Variants in DCDC1 observed in about 807,000 individuals in gnomAD.
DCDC1 encodes the protein doublecortin domain containing 1, also known as doublecortin domain-containing protein 1.
Under a neutral mutation model 178.3 loss-of-function variants are expected in DCDC1, and 200 were observed. That is an observed-to-expected ratio of 1.12 (90% CI 1.00 to 1.26). The LOEUF is 1.26. Among genes scored for constraint, DCDC1 ranks in the 50% most tolerant of loss-of-function variants. DCDC1 has a pLI of 0.00. For synonymous variants in DCDC1, 690 were observed against 604.8 expected (o/e 1.14, Z -2.07); for missense variants, 1,983 against 1,749.2 (o/e 1.13, Z -2.38).
intron 22 of DCDC1, 37 bp downstream of exon 22, chr11:30,931,734 A>G (rs748640896): frequency 1.3e-6 from 2 of 1,564,724 alleles, no homozygotes; most frequent in South Asian, 1.2e-5. Flanking sequence ...TACAAACTAG[A>G]AAGTGTATTT....
At chr11:31,064,405 A>G in intron 20 of DCDC1, 64 bp downstream of exon 20, 1 of 673,260 alleles carries the variant, frequency 1.5e-6, no homozygotes, top group East Asian at 2.5e-5. Context: ...TCAATCTTAC[A>G]TGAAACTGAA....
At chr11:31,221,984 G>A (rs534841696) in intron 9 of DCDC1, among the ~76,000 whole-genome samples, 13 of 152,196 alleles carry the variant, frequency 8.5e-5, no homozygotes, top group South Asian at 8.3e-4. Context: ...TACCTTCTGC[G>A]AAACACTAGA....
At chr11:31,062,922 A>G (rs1019007067) in intron 20 of DCDC1, among the ~76,000 whole-genome samples, 3 of 147,482 alleles carry the variant, frequency 2.0e-5, no homozygotes, top group African/African-American at 7.4e-5. Flanking sequence ...CATTAGGTAT[A>G]TCTCCTAATG....
At chr11:31,071,497 G>T (rs1397839119) in intron 18 of DCDC1, among the ~76,000 whole-genome samples, 1 of 152,042 alleles carries the variant, frequency 6.6e-6, no homozygotes, top group African/African-American at 2.4e-5. Context: ...CTCTTTGATG[G>T]TCCCCAAAGT....
intron 9 of DCDC1, among the ~76,000 whole-genome samples, chr11:31,139,476 C>T (rs780700577): frequency 2.0e-5 from 3 of 152,176 alleles, no homozygotes; most frequent in Non-Finnish European, 4.4e-5. Context: ...ATCAGGGGAG[C>T]TCTCATCTCG....
intron 38 of DCDC1, 91 bp from the exon 39 acceptor site, chr11:30,865,423 A>G (rs1413508246): frequency 6.5e-6 from 1 of 153,166 alleles, no homozygotes; most frequent in Non-Finnish European, 1.5e-5. Context: ...CACATAGTAT[A>G]TATGAAGTTC....
intron 20 of DCDC1, among the ~76,000 whole-genome samples, chr11:30,954,313 C>A (rs1293684770): frequency 1.3e-5 from 2 of 152,002 alleles, no homozygotes; most frequent in African/African-American, 4.8e-5. Context: ...CCACGCCCAG[C>A]CTAAATACAA....
At chr11:31,185,546 T>C (rs1478432621) in intron 9 of DCDC1, among the ~76,000 whole-genome samples, 3 of 152,192 alleles carry the variant, frequency 2.0e-5, no homozygotes, top group Admixed American at 6.5e-5. Flanking sequence ...CCACCAACTT[T>C]AGCTTCCAAA....
intron 9 of DCDC1, among the ~76,000 whole-genome samples, chr11:31,229,111 A>C (rs1219361532): frequency 1.3e-5 from 2 of 152,154 alleles, no homozygotes; most frequent in Admixed American, 6.6e-5. Flanking sequence ...TTAATTCATA[A>C]TTTAAAACCT....
chr11:30,932,675 G>T (rs187370095), intron 21 of DCDC1, among the ~76,000 whole-genome samples: 117 of 152,268 alleles, frequency 7.7e-4, no homozygotes, highest in African/African-American at 2.7e-3. Flanking sequence ...ACAGGTTACA[G>T]GTGTGATGGG....
At chr11:31,196,194 C>T (rs781253884) in intron 9 of DCDC1, among the ~76,000 whole-genome samples, 12 of 151,996 alleles carry the variant, frequency 7.9e-5, no homozygotes, top group Admixed American at 2.0e-4. Context: ...GCTACAACAA[C>T]TGATAATGAG....
chr11:30,933,269 C>T (rs1947057716), intron 21 of DCDC1, among the ~76,000 whole-genome samples: 1 of 151,736 alleles, frequency 6.6e-6, no homozygotes, highest in Non-Finnish European at 1.5e-5. Flanking sequence ...AATTCATATA[C>T]ATTTAAGAAT....
chr11:30,892,233 C>T (rs894027895), intron 36 of DCDC1, among the ~76,000 whole-genome samples: 1 of 152,116 alleles, frequency 6.6e-6, no homozygotes, highest in Non-Finnish European at 1.5e-5. Context: ...AACTGTTAAT[C>T]CTCTTTCCTT....
chr11:31,002,782 T>G (rs1177885201), intron 20 of DCDC1, among the ~76,000 whole-genome samples: 1 of 152,186 alleles, frequency 6.6e-6, no homozygotes, highest in Non-Finnish European at 1.5e-5. Flanking sequence ...GGAGCATATT[T>G]GTGACCAAAC....
Position 31,016,354 on chromosome 11 carries a change from G to T in DCDC1, c.2591+48115C>A, listed in dbSNP as rs1392752868. Among the ~76,000 whole-genome samples, 7 of 152,252 alleles carry T rather than the reference G, an allele frequency of 4.6e-5. No individual in the cohort carries two copies. The South Asian group carries it at 1.5e-3, about 32-fold the overall frequency. ...AATTCTCAGACCTTAAGGCTGCCAT[G>T]AAATGTTTGTGCTAAAATATCCTGT... is the stretch of plus-strand genomic sequence containing the variant. On this transcript the variant is annotated intron_variant, in intron 20 of 38. Coordinates refer to ENST00000684477, the MANE Select transcript of DCDC1 (RefSeq NM_001387274.1).
chr11:30,881,543 T>G (rs1485201697), intron 36 of DCDC1, among the ~76,000 whole-genome samples: 1 of 152,156 alleles, frequency 6.6e-6, no homozygotes, highest in Non-Finnish European at 1.5e-5. Context: ...AGTTCCGTAT[T>G]TTTTCATGGA....
chr11:30,913,143 C>T (rs574301659), intron 27 of DCDC1, among the ~76,000 whole-genome samples: 3 of 152,226 alleles, frequency 2.0e-5, no homozygotes, highest in East Asian at 1.9e-4. Flanking sequence ...AACTCTTGGC[C>T]GGGCGCGGTG....
chr11:30,939,149 T>C (rs1305504956), intron 21 of DCDC1, among the ~76,000 whole-genome samples: 3 of 152,206 alleles, frequency 2.0e-5, no homozygotes, highest in African/African-American at 7.2e-5. Context: ...CTATCTTGGC[T>C]CATGCACGAG....
At chr11:30,973,681 A>C (rs907524234) in intron 20 of DCDC1, among the ~76,000 whole-genome samples, 1 of 152,212 alleles carries the variant, frequency 6.6e-6, no homozygotes, top group Non-Finnish European at 1.5e-5. Flanking sequence ...TAAAGTGATC[A>C]ATTCAGTAAG....
Sources: allele counts gnomAD v4.1 joint callset (sites outside exome capture counted in the v4.1 genomes callset), GRCh38; gene constraint gnomAD v4.1.1; transcripts MANE v1.5; gene names NCBI Gene and HGNC (gene_info 2026-07-23, HGNC 2026-07-21).